HELZ: variants seen among roughly 807,000 people sequenced by gnomAD.
The protein encoded by HELZ is helicase with zinc finger, also known as ATP-dependent RNA helicase with zinc finger domain.
Under a neutral mutation model 218.2 loss-of-function variants are expected in HELZ, and 23 were observed. The observed-to-expected ratio is 0.11, with a 90% confidence interval of 0.08 to 0.15. HELZ has a LOEUF of 0.15. Among genes scored for constraint, HELZ ranks in the 10% least tolerant of loss-of-function variants. The probability of loss-of-function intolerance (pLI) is 1.00; values close to 1 mark genes in which losing one functional copy is unlikely to be tolerated. For synonymous variants in HELZ, 814 were observed against 829.4 expected (o/e 0.98, Z 0.32); for missense variants, 1,813 against 2,353.7 (o/e 0.77, Z 4.75).
chr17:67,150,519 A>T (rs549230176), intron 18 of HELZ, among the ~76,000 whole-genome samples: 3 of 152,272 alleles, frequency 2.0e-5, no homozygotes, highest in African/African-American at 4.8e-5. Context: ...ACATAACACT[A>T]GTTTGATTTT....
chr17:67,094,333 AAGAGAG>A (rs1555597034), intron 31 of HELZ, among the ~76,000 whole-genome samples: 12 of 146,632 alleles, frequency 8.2e-5, no homozygotes, highest in Non-Finnish European at 1.2e-4. Context: ...AAAAAAAAAA[AAGAGAG>A]AGAGAGAGAG....
chr17:67,119,302 T>C (rs1054519882), intron 27 of HELZ, among the ~76,000 whole-genome samples: 1 of 152,260 alleles, frequency 6.6e-6, no homozygotes, highest in Admixed American at 6.5e-5. Flanking sequence ...TACAACTGAA[T>C]ACTAACGGTA....
At chr17:67,155,170 A>G (rs2038802825) in intron 17 of HELZ, among the ~76,000 whole-genome samples, 1 of 152,232 alleles carries the variant, frequency 6.6e-6, no homozygotes, top group South Asian at 2.1e-4. Context: ...AAAACAAGGT[A>G]GAAAATCAAG....
chr17:67,101,267 T>TAG (rs1555599191), intron 31 of HELZ, among the ~76,000 whole-genome samples: 2 of 152,134 alleles, frequency 1.3e-5, no homozygotes, highest in Non-Finnish European at 2.9e-5. Flanking sequence ...GAAGGGTGTG[T>TAG]AGAGGTGGGA....
rs935220741 is a variant in HELZ at position 67,077,105 on chromosome 17, T to C, written c.*1147A>G. The stretch of plus-strand genomic sequence containing the variant: ...TTCAATAAGGGGTATTTTAGAAGAA[T>C]TGAAAGACATGAAAAACAAGGGTAG... On this transcript the variant is annotated 3_prime_UTR_variant, in exon 33 of 33. Transcript: ENST00000358691. 1.3e-5 allele frequency: 2 copies of C among 152,422 alleles called. No individual in the cohort carries two copies. Among genetic ancestry groups the C allele is most frequent in the African/African-American group, 4.8e-5 (2 of 41,450 alleles). 9.4% of individuals were successfully genotyped at this position (152,422 alleles called of 1,614,324 possible). A position where few individuals can be genotyped will look rare whatever the true frequency, so the allele number is the denominator to read the frequency against.
intron 5 of HELZ, among the ~76,000 whole-genome samples, chr17:67,212,488 C>CCATAGTA (rs1278718135): frequency 1.3e-5 from 2 of 151,750 alleles, no homozygotes; most frequent in Non-Finnish European, 2.9e-5. Context: ...TACTGTCTAA[C>CCATAGTA]CATAGTACTT....
intron 15 of HELZ, among the ~76,000 whole-genome samples, chr17:67,164,506 G>A (rs754155373): frequency 1.5e-4 from 23 of 152,130 alleles, no homozygotes; most frequent in Non-Finnish European, 3.2e-4. Context: ...TCTGCAAGAC[G>A]AAAAAGTTCT....
chr17:67,186,872 T>C (rs535873407), intron 12 of HELZ, among the ~76,000 whole-genome samples: 1 of 152,324 alleles, frequency 6.6e-6, no homozygotes, highest in East Asian at 1.9e-4. Flanking sequence ...TGCTGCTTAG[T>C]GGTTCTCAAG....
intron 5 of HELZ, among the ~76,000 whole-genome samples, chr17:67,206,013 T>A (rs1179512792): frequency 6.6e-6 from 1 of 152,238 alleles, no homozygotes; most frequent in South Asian, 2.1e-4. Context: ...AAAATTAAAT[T>A]GCAATGCTGC....
At chr17:67,193,779 C>A (rs569819813) in intron 9 of HELZ, among the ~76,000 whole-genome samples, 188 bp downstream of exon 9, 1 of 152,238 alleles carries the variant, frequency 6.6e-6, no homozygotes, top group Non-Finnish European at 1.5e-5. Flanking sequence ...GCATTTAGAT[C>A]ATTGCTGTTT....
intron 3 of HELZ, among the ~76,000 whole-genome samples, chr17:67,232,190 C>A (rs2041056747): frequency 6.6e-6 from 1 of 151,582 alleles, no homozygotes; most frequent in Non-Finnish European, 1.5e-5. Flanking sequence ...GTCACCCAGG[C>A]TAGAGTGCAG....
intron 3 of HELZ, among the ~76,000 whole-genome samples, chr17:67,222,345 G>A (rs12185246): frequency 0.016 from 2,487 of 152,268 alleles, 25 homozygotes; most frequent in South Asian, 0.025. Context: ...TAGCTAAACC[G>A]TAAATCTGGC....
At chr17:67,198,800 CTGTT>C (rs1476338910) in intron 7 of HELZ, among the ~76,000 whole-genome samples, 1 of 152,182 alleles carries the variant, frequency 6.6e-6, no homozygotes, top group African/African-American at 2.4e-5. Flanking sequence ...AAGGGTAGCA[CTGTT>C]TGTTAGCTTT....
At chr17:67,211,143 CCTCA>C (rs1379801385) in intron 5 of HELZ, among the ~76,000 whole-genome samples, 2 of 152,074 alleles carry the variant, frequency 1.3e-5, no homozygotes, top group Non-Finnish European at 2.9e-5. Flanking sequence ...GCCCTTGAGT[CCTCA>C]CTCAGAGTAT....
At chr17:67,090,328 G>A (rs1485465996) in intron 31 of HELZ, among the ~76,000 whole-genome samples, 1 of 152,100 alleles carries the variant, frequency 6.6e-6, no homozygotes, top group Non-Finnish European at 1.5e-5. Flanking sequence ...TGCTGAGGAT[G>A]CTTACATTGA....
At chr17:67,176,282 C>T (rs1358555136) in intron 13 of HELZ, 1 of 152,206 alleles carries the variant, frequency 6.6e-6, no homozygotes, top group East Asian at 1.9e-4. Context: ...TTATAACTAG[C>T]ATATTTTCTT....
chr17:67,086,631 AATATATATATATATATATAT>A (rs71139116), intron 32 of HELZ, among the ~76,000 whole-genome samples, 178 bp downstream of exon 32: 3 of 93,300 alleles, frequency 3.2e-5, no homozygotes, highest in South Asian at 6.0e-4. Context: ...TATAAATATA[AATATATATATATATATATAT>A]ATATATATAT....
chr17:67,214,873 C>G (rs1187250068), intron 5 of HELZ, among the ~76,000 whole-genome samples: 1 of 151,976 alleles, frequency 6.6e-6, no homozygotes. Context: ...AGACCAGGTG[C>G]GGTGGCTCAT....
At chr17:67,113,550 G>A (rs998251264) in intron 28 of HELZ, among the ~76,000 whole-genome samples, 6 of 152,132 alleles carry the variant, frequency 3.9e-5, no homozygotes, top group African/African-American at 7.2e-5. Flanking sequence ...GTGAGCAACC[G>A]CCAAGTAGAG....
Sources: allele counts gnomAD v4.1 joint callset (sites outside exome capture counted in the v4.1 genomes callset), GRCh38; gene constraint gnomAD v4.1.1; transcripts MANE v1.5; gene names NCBI Gene and HGNC (gene_info 2026-07-23, HGNC 2026-07-21).